The following CSDE1 variants were observed in gnomAD, a reference collection of about 807,000 sequenced individuals.
CSDE1 encodes cold shock domain containing E1.
Under a neutral mutation model 89.3 loss-of-function variants are expected in CSDE1, and 17 were observed. The observed-to-expected ratio is 0.19, with a 90% CI of 0.13 to 0.29. The LOEUF is 0.29. Among genes scored for constraint, CSDE1 ranks in the 10% least tolerant of loss-of-function variants. CSDE1 has a pLI of 1.00. For missense variants in CSDE1, 672 were observed against 984.2 expected (o/e 0.68, Z 4.24); for synonymous variants, 322 against 332.8 (o/e 0.97, Z 0.35).
chr1:114,737,515 G>A lies in CSDE1; in HGVS notation c.358C>T (p.Pro120Ser). 6.2e-7 allele frequency: 1 copy of A among 1,613,942 alleles called. No homozygotes were observed. The highest frequency in any genetic ancestry group is 8.5e-7 in the Non-Finnish European group (1 of 1,179,992). Reference sequence around the variant, plus strand: ...ACACTCCCTGTTGGACTCTGACCCGGGGCAGCTGGAGATTTACTCTCTAAG... The same window carrying A: ...ACACTCCCTGTTGGACTCTGACCCGAGGCAGCTGGAGATTTACTCTCTAAG... ...HNLESKSPAA[P>S]GQSPTGSVCY... is the part of the protein sequence containing the mutation. The change falls in exon 5 of 20, where the codon CCG (proline) becomes TCG (serine). Residue 120 changes from proline (P) to serine (S), a missense_variant. By Grantham distance (74) the Pro-to-Ser change is moderately conservative. This residue lies in a region of CSDE1 where 124 missense variants were observed against 138.7 expected (regional missense o/e 0.89). Transcript: ENST00000358528.
At chr1:114,745,787 T>C (rs1357714573) in intron 2 of CSDE1, among the ~76,000 whole-genome samples, 1 of 152,170 alleles carries the variant, frequency 6.6e-6, no homozygotes, top group Admixed American at 6.5e-5. Context: ...ATGGAACAAA[T>C]CTCAGGTCAA....
chr1:114,722,846 T>C (rs891016555), intron 16 of CSDE1, among the ~76,000 whole-genome samples: 1 of 152,204 alleles, frequency 6.6e-6, no homozygotes, highest in Non-Finnish European at 1.5e-5. Context: ...AGTGGTTTTA[T>C]GTAGAACAGA....
chr1:114,726,195 G>C lies in CSDE1; in HGVS notation c.1640+16C>G. 6.3e-7 allele frequency: 1 copy of C among 1,578,042 alleles called. No homozygotes were observed. Among genetic ancestry groups the C allele is most frequent in the Non-Finnish European group, 8.6e-7 (1 of 1,163,802 alleles). ...ATGGTAAGTTAGCTGTAAAGTTCCT[G>C]AAAGTCACGCCTTACCTGTAATGGA... On this transcript the variant is annotated intron_variant, in intron 14 of 19. Coordinates refer to ENST00000358528, the MANE Select transcript of CSDE1 (RefSeq NM_001007553.3).
intron 3 of CSDE1, among the ~76,000 whole-genome samples, chr1:114,738,337 T>C (rs1660521323): frequency 6.6e-6 from 1 of 152,180 alleles, no homozygotes; most frequent in African/African-American, 2.4e-5. Flanking sequence ...TACACACAAA[T>C]GTTTCAGAAC....
Position 114,730,602 on chromosome 1 carries a change from A to C in CSDE1, c.1097T>G (p.Val366Gly). Reference protein sequence around the residue: ...MRDGFGFIKCVDRDVRMFFHF... With the variant: ...MRDGFGFIKCGDRDVRMFFHF... ...GAAGAACATACGAACATCACGATCC[A>C]CACACTTGATGAAACCAAAACCATC... The change falls in exon 11 of 20, where the codon GTG becomes GGG. Residue 366 changes from valine to glycine, a missense_variant. Transcript: ENST00000358528. 1 of 1,614,054 alleles carries C rather than the reference A, an allele frequency of 6.2e-7. No individual in the cohort carries two copies. The highest frequency in any genetic ancestry group is 8.5e-7 in the Non-Finnish European group (1 of 1,180,022).
intron 2 of CSDE1, 167 bp from the exon 3 acceptor site, chr1:114,740,057 A>T (rs1016901178): frequency 1.8e-5 from 10 of 544,560 alleles, no homozygotes; most frequent in Non-Finnish European, 3.2e-5. Context: ...CTAATAAAAC[A>T]TTTCAGAGGA....
At chr1:114,729,930 G>C (rs1322265840) in intron 12 of CSDE1, among the ~76,000 whole-genome samples, 1 of 152,116 alleles carries the variant, frequency 6.6e-6, no homozygotes, top group African/African-American at 2.4e-5. Flanking sequence ...GAATGAGTTT[G>C]CCTCCCAGGG....
intron 3 of CSDE1, 93 bp from the exon 4 acceptor site, chr1:114,738,165 CT>C: frequency 1.0e-6 from 1 of 953,368 alleles, no homozygotes; most frequent in Non-Finnish European, 1.7e-6. Flanking sequence ...TTTGAATTGC[CT>C]TAGACCAGTG....
chr1:114,736,721 C>A (rs777395318), intron 6 of CSDE1, 37 bp downstream of exon 6: 4 of 1,387,878 alleles, frequency 2.9e-6, no homozygotes, highest in Middle Eastern at 2.3e-4. Context: ...GAAAAAAAAA[C>A]CGCTTAGGTG....
chr1:114,748,993 C>G (rs1046444603), intron 2 of CSDE1, among the ~76,000 whole-genome samples: 9 of 152,158 alleles, frequency 5.9e-5, no homozygotes, highest in African/African-American at 2.2e-4. Context: ...TTTCATAACT[C>G]TCCCGCAAAA....
intron 1 of CSDE1, among the ~76,000 whole-genome samples, chr1:114,755,402 G>T (rs919920911): frequency 2.0e-5 from 3 of 152,174 alleles, no homozygotes; most frequent in African/African-American, 7.2e-5. Flanking sequence ...GTTATGTACC[G>T]GCTGTAGCTG....
At chr1:114,744,396 A>G (rs947175138) in intron 2 of CSDE1, among the ~76,000 whole-genome samples, 7 of 152,166 alleles carry the variant, frequency 4.6e-5, no homozygotes, top group Non-Finnish European at 7.3e-5. Context: ...GCCTAGGCAC[A>G]TGGCAAAACC....
At chr1:114,727,155 T>C in intron 12 of CSDE1, 65 bp from the exon 13 acceptor site, 1 of 1,110,792 alleles carries the variant, frequency 9.0e-7, no homozygotes, top group Non-Finnish European at 1.4e-6. Flanking sequence ...TAAAAACAAC[T>C]ATAGTTCTTA....
At chr1:114,725,889 G>A (rs796324764) in intron 14 of CSDE1, among the ~76,000 whole-genome samples, 100 of 152,216 alleles carry the variant, frequency 6.6e-4, no homozygotes, top group African/African-American at 2.3e-3. Flanking sequence ...ACCTGCCTCA[G>A]CCCCCAAAGT....
chr1:114,726,474 C>T (rs537218559), intron 13 of CSDE1, 88 bp from the exon 14 acceptor site: 97 of 1,035,458 alleles, frequency 9.4e-5, no homozygotes, highest in Non-Finnish European at 1.2e-4. Flanking sequence ...ACTCCCCCAG[C>T]GCATGCTTTT....
chr1:114,733,952 T>C lies in CSDE1; in HGVS notation c.711+37A>G, dbSNP rs751923026. ...TTAAAAACATAAACCAACTCTGATC[T>C]TAAAAGGCCAAAGATCAAGTTAACT... On this transcript the variant is annotated intron_variant, in intron 8 of 19. Transcript: ENST00000358528. 5.0e-6 allele frequency: 8 copies of C among 1,606,094 alleles called. No individual in the cohort carries two copies. In the Admixed American group the frequency reaches 1.4e-4, roughly 28 times the overall value.
chr1:114,731,390 TAA>T (rs368044895), intron 10 of CSDE1, among the ~76,000 whole-genome samples: 18 of 134,292 alleles, frequency 1.3e-4, no homozygotes, highest in Admixed American at 2.2e-4. Context: ...TTTGAAAATG[TAA>T]AAAAAAAAAA....
chr1:114,755,378 A>C (rs1661536050), intron 1 of CSDE1, among the ~76,000 whole-genome samples: 1 of 152,252 alleles, frequency 6.6e-6, no homozygotes, highest in African/African-American at 2.4e-5. Context: ...GAGAAAAAGA[A>C]GTGCAAATAA....
At chr1:114,745,295 T>C (rs536682395) in intron 2 of CSDE1, among the ~76,000 whole-genome samples, 2 of 152,338 alleles carry the variant, frequency 1.3e-5, no homozygotes, top group Admixed American at 6.5e-5. Context: ...AAATATATTT[T>C]TGTAGCAAAT....
Sources: allele counts gnomAD v4.1 joint callset (sites outside exome capture counted in the v4.1 genomes callset), GRCh38; gene constraint gnomAD v4.1.1; regional missense constraint gnomAD v4.1.1; transcripts MANE v1.5; gene names NCBI Gene and HGNC (gene_info 2026-07-23, HGNC 2026-07-21).